Variants in GMPR observed in about 807,000 individuals in gnomAD.
The protein encoded by GMPR is GMP reductase 1.
In GMPR, 31 loss-of-function variants were observed where a neutral mutation model predicts 38.4. The observed-to-expected ratio is 0.81, with a 90% CI of 0.61 to 1.09. GMPR has a LOEUF of 1.09. Ranked by LOEUF, GMPR falls within the 50% of genes least tolerant of loss-of-function variation. The probability of loss-of-function intolerance (pLI) is 0.00; values close to 1 mark genes in which losing one functional copy is unlikely to be tolerated. For synonymous variants in GMPR, 162 were observed against 173.3 expected, an observed-to-expected ratio of 0.93 and a Z score of 0.51; for missense variants, 468 against 453.7, an observed-to-expected ratio of 1.03 and a Z score of -0.29.
intron 1 of GMPR, among the ~76,000 whole-genome samples, chr6:16,239,000 G>A (rs1386924945): frequency 2.6e-5 from 4 of 152,172 alleles, no homozygotes; most frequent in African/African-American, 9.6e-5. Flanking sequence ...CGTCGGTCCC[G>A]TTGGGTGGCC....
At chr6:16,260,277 G>T (rs925389032) in intron 4 of GMPR, among the ~76,000 whole-genome samples, 5 of 151,978 alleles carry the variant, frequency 3.3e-5, no homozygotes, top group Non-Finnish European at 1.5e-5. Context: ...AATACTAAGA[G>T]CCTGAAAAAC....
Position 16,246,843 on chromosome 6 carries a change from T to A in GMPR, c.89T>A (p.Val30Glu). 6.2e-7 allele frequency: 1 copy of A among 1,611,124 alleles called. No individual in the cohort carries two copies. The highest frequency in any genetic ancestry group is 1.1e-5 in the South Asian group (1 of 90,154). The change falls in exon 2 of 9, where the codon GTG becomes GAG. Residue 30 changes from valine to glutamate, a missense_variant and splice_region_variant. Physicochemically the swap from Val to Glu is moderately radical, Grantham distance 121. Coordinates refer to ENST00000259727, the MANE Select transcript of GMPR (RefSeq NM_006877.4). ...KRSSLKSRAEVDLERTFTFRN... is the reference protein window; with the variant it reads ...KRSSLKSRAEEDLERTFTFRN... ...TCTTTCTTTTTTTTTGGCCAACAGGTGGATCTTGAACGCACCTTCACGTTT... is the reference window on the plus strand; with the variant it reads ...TCTTTCTTTTTTTTTGGCCAACAGGAGGATCTTGAACGCACCTTCACGTTT...
intron 4 of GMPR, 89 bp from the exon 5 acceptor site, chr6:16,274,326 T>C: frequency 1.2e-6 from 1 of 853,576 alleles, no homozygotes. Flanking sequence ...CTTTAGGACA[T>C]GCACATCCTC....
At chr6:16,265,640 C>T (rs554976421) in intron 4 of GMPR, among the ~76,000 whole-genome samples, 13 of 145,222 alleles carry the variant, frequency 9.0e-5, no homozygotes, top group Admixed American at 2.8e-4. Context: ...GCTAAAGCAG[C>T]ACTGTGTCTA....
chr6:16,244,098 CTTT>C (rs767681779), intron 1 of GMPR, among the ~76,000 whole-genome samples: 1 of 136,716 alleles, frequency 7.3e-6, no homozygotes, highest in African/African-American at 2.7e-5. Context: ...AATGAAATTG[CTTT>C]TTTTTTTTTT....
intron 7 of GMPR, 126 bp from the exon 8 acceptor site, chr6:16,290,336 C>G: frequency 3.6e-6 from 3 of 831,414 alleles, no homozygotes; most frequent in Non-Finnish European, 6.0e-6. Flanking sequence ...AGAGGTCCAG[C>G]CTTTCTCTTG....
chr6:16,295,104 TG>T lies in GMPR; in HGVS notation c.961del (p.Ala321ProfsTer16). 1 of 1,581,292 alleles carries T rather than the reference TG, an allele frequency of 6.3e-7. No individual in the cohort carries two copies. The highest frequency in any genetic ancestry group is 8.6e-7 in the Non-Finnish European group (1 of 1,169,494). On this transcript the variant is annotated frameshift_variant, in exon 9 of 9. Transcript: ENST00000259727. LOFTEE classifies it high-confidence loss of function. Reference sequence around the variant, plus strand: ...GGACTGAGGTCCACGTGCACCTACGTGGGGGCCGCCAAACTCAAGGAGCTCA... The same window carrying T: ...GGACTGAGGTCCACGTGCACCTACGTGGGGCCGCCAAACTCAAGGAGCTCA... ...LGGLRSTCTY[V>X]GAAKLKELSR...
chr6:16,245,851 T>C (rs1758741476), intron 1 of GMPR, among the ~76,000 whole-genome samples: 1 of 152,110 alleles, frequency 6.6e-6, no homozygotes, highest in Non-Finnish European at 1.5e-5. Context: ...GGTCGGAGGA[T>C]CCAGGCCCGG....
intron 3 of GMPR, 65 bp from the exon 4 acceptor site, chr6:16,254,497 G>A: frequency 1.4e-6 from 2 of 1,379,796 alleles, no homozygotes; most frequent in Non-Finnish European, 1.0e-6. Flanking sequence ...GTGCATAAAT[G>A]GGGGCAGGGT....
At chr6:16,257,185 C>T (rs2113676990) in intron 4 of GMPR, among the ~76,000 whole-genome samples, 1 of 152,204 alleles carries the variant, frequency 6.6e-6, no homozygotes, top group Admixed American at 6.5e-5. Flanking sequence ...ACAGAAACCC[C>T]CAAAGTATGG....
intron 4 of GMPR, among the ~76,000 whole-genome samples, chr6:16,266,047 C>T (rs943929367): frequency 6.6e-5 from 10 of 151,856 alleles, no homozygotes; most frequent in East Asian, 3.9e-4. Context: ...AGTGAGACCA[C>T]GAACCCAGTG....
chr6:16,245,326 A>G (rs763814470), intron 1 of GMPR, among the ~76,000 whole-genome samples: 3 of 152,212 alleles, frequency 2.0e-5, no homozygotes, highest in Non-Finnish European at 4.4e-5. Flanking sequence ...CCTTCTGGAC[A>G]CAAAACCCGG....
intron 5 of GMPR, among the ~76,000 whole-genome samples, chr6:16,276,325 A>G (rs568999411): frequency 6.6e-6 from 1 of 152,172 alleles, no homozygotes; most frequent in Admixed American, 6.5e-5. Context: ...ATGCACCACC[A>G]TGCCCAGCTA....
chr6:16,267,825 C>G (rs1421678086), intron 4 of GMPR, among the ~76,000 whole-genome samples: 1 of 152,204 alleles, frequency 6.6e-6, no homozygotes, highest in Non-Finnish European at 1.5e-5. Flanking sequence ...AGGCCAAGCT[C>G]TACTCCCCTG....
chr6:16,287,887 G>A (rs147326317), intron 7 of GMPR, among the ~76,000 whole-genome samples: 52 of 152,300 alleles, frequency 3.4e-4, no homozygotes, highest in African/African-American at 1.2e-3. Flanking sequence ...ACCTCAGAGT[G>A]CTCTGCCAAT....
intron 4 of GMPR, among the ~76,000 whole-genome samples, chr6:16,261,160 G>A (rs1266133945): frequency 6.6e-6 from 1 of 152,010 alleles, no homozygotes; most frequent in African/African-American, 2.4e-5. Flanking sequence ...CCTGGCTCTT[G>A]TGTAAGAATT....
At chr6:16,286,262 G>GC (rs1759675868) in intron 7 of GMPR, among the ~76,000 whole-genome samples, 1 of 152,052 alleles carries the variant, frequency 6.6e-6, no homozygotes, top group Non-Finnish European at 1.5e-5. Context: ...CCGCTAGGGG[G>GC]CAGCAGTGCC....
intron 8 of GMPR, among the ~76,000 whole-genome samples, chr6:16,294,646 A>G (rs866633949): frequency 6.6e-6 from 1 of 152,168 alleles, no homozygotes; most frequent in African/African-American, 2.4e-5. Context: ...TAGAATAGAA[A>G]GGTAAAGGTG....
chr6:16,241,936 AC>A (rs1283303649), intron 1 of GMPR, among the ~76,000 whole-genome samples: 3 of 151,898 alleles, frequency 2.0e-5, no homozygotes, highest in African/African-American at 7.3e-5. Flanking sequence ...ATGGGGTTTC[AC>A]CGTGTTGGCC....
Sources: gnomAD v4.1 joint callset for allele counts (sites outside exome capture counted in the v4.1 genomes callset) on GRCh38, gnomAD v4.1.1 for gene constraint, MANE v1.5 for transcripts, NCBI Gene and HGNC (gene_info 2026-07-23, HGNC 2026-07-21) for gene names.